Variants in CCKAR observed in about 807,000 individuals in gnomAD.
CCKAR encodes cholecystokinin receptor type A.
Under a neutral mutation model 29.8 loss-of-function variants are expected in CCKAR, and 21 were observed. The ratio of observed to expected loss-of-function variants is 0.70; its 90% confidence interval spans 0.50 to 1.01. CCKAR has a LOEUF of 1.01. Among genes scored for constraint, CCKAR ranks in the 50% least tolerant of loss-of-function variants. The pLI is 0.00. For missense variants in CCKAR, 570 were observed against 560.6 expected (o/e 1.02, Z -0.17); for synonymous variants, 238 against 221.3 (o/e 1.08, Z -0.67).
Position 26,485,710 on chromosome 4 carries a change from A to G in CCKAR, c.553T>C (p.Phe185Leu). ...GCGGTCTGGTTGTTATTTTTGGTAAAAGGCACCAAGTTGCTATAAATGGGG... is the reference window on the plus strand; with the variant it reads ...GCGGTCTGGTTGTTATTTTTGGTAAGAGGCACCAAGTTGCTATAAATGGGG... ...PYPIYSNLVPFTKNNNQTANM... is the reference protein window; with the variant it reads ...PYPIYSNLVPLTKNNNQTANM... The change falls in exon 3 of 5, where the codon TTT becomes CTT. Residue 185 changes from phenylalanine to leucine, a missense_variant. By Grantham distance (22) the Phe-to-Leu change is conservative (BLOSUM62 0). Coordinates refer to ENST00000295589, the MANE Select transcript of CCKAR (RefSeq NM_000730.3). 6.2e-7 allele frequency: 1 copy of G among 1,614,190 alleles called. No individual in the cohort carries two copies. The highest frequency in any genetic ancestry group is 8.5e-7 in the Non-Finnish European group (1 of 1,180,030).
chr4:26,489,827 C>G (rs1455399442), intron 1 of CCKAR, among the ~76,000 whole-genome samples: 2 of 152,118 alleles, frequency 1.3e-5, no homozygotes, highest in Admixed American at 1.3e-4. Context: ...GAAAAGAAAA[C>G]AGCTGCATGG....
Position 26,485,911 on chromosome 4 carries a change from C to G in CCKAR, c.365-13G>C, listed in dbSNP as rs747703170. 3 of 1,608,910 alleles carry G rather than the reference C, an allele frequency of 1.9e-6. No homozygotes were observed. Among genetic ancestry groups the G allele is most frequent in the Non-Finnish European group, 2.5e-6 (3 of 1,176,552 alleles). On this transcript the variant is annotated splice_polypyrimidine_tract_variant and intron_variant, in intron 2 of 4. Transcript: ENST00000295589. ...CTCACAGAGGTGCCTGGGAAAGGAA[C>G]AAAGAAGCCGGTTATGTTGACTCTG...
Position 26,481,946 on chromosome 4 carries a change from T to A in CCKAR, c.979A>T (p.Met327Leu). ...CAGGCGTTGGCGCTGAAGATGGGCA[T>A]CCAGCACAGGAAGAAGAGGACCACG... ...VIVVLFFLCW[M>L]PIFSANAWRA... Residue 327 changes from methionine to leucine, a missense_variant, in exon 5 of 5, where the codon ATG (methionine) becomes TTG (leucine). Transcript: ENST00000295589. 6.2e-7 allele frequency: 1 copy of A among 1,614,226 alleles called. No homozygotes were observed. Among genetic ancestry groups the A allele is most frequent in the Non-Finnish European group, 8.5e-7 (1 of 1,180,042 alleles).
At position 26,482,021 on chromosome 4, in the gene CCKAR, C is replaced by T. The variant is rs1413472220; in HGVS notation, c.904G>A (p.Ala302Thr). The change falls in exon 5 of 5, where the codon GCA (alanine) becomes ACA (threonine). Residue 302 changes from alanine (A) to threonine (T), a missense_variant. Coordinates refer to ENST00000295589, the MANE Select transcript of CCKAR (RefSeq NM_000730.3). ...RANRIRSNSS[A>T]ANLMAKKRVI... ...CTTTTCTTGGCCATCAGGTTGGCTG[C>T]GGAGCTGTTACTCCGGATGCGGTTG... 3.7e-6 allele frequency: 6 copies of T among 1,614,220 alleles called. No homozygotes were observed. The highest frequency in any genetic ancestry group is 3.3e-5 in the Admixed American group (2 of 60,028).
intron 2 of CCKAR, among the ~76,000 whole-genome samples, chr4:26,486,414 G>A (rs900372549): frequency 1.3e-5 from 2 of 152,148 alleles, no homozygotes; most frequent in African/African-American, 2.4e-5. Context: ...TCTTAATAGT[G>A]AAACAATCTA....
At position 26,481,474 on chromosome 4, in the gene CCKAR, G is replaced by A. The variant is rs1737342628; in HGVS notation, c.*164C>T. 1.3e-6 allele frequency: 1 copy of A among 749,330 alleles called. No homozygotes were observed. The highest frequency in any genetic ancestry group is 2.2e-6 in the Non-Finnish European group (1 of 455,290). 46.4% of individuals were successfully genotyped at this position (749,330 alleles called of 1,614,324 possible). On this transcript the variant is annotated 3_prime_UTR_variant, in exon 5 of 5. Transcript: ENST00000295589. ...CATGGCCCCACTGGAGCAGTGCTCT[G>A]GAATCCAGATGAAGGATGAAAAGCA...
rs1234136780 is a variant in CCKAR, at chr4:26,481,889, G to A, written c.1036C>T (p.Arg346Cys). 11 of 1,614,240 alleles carry A rather than the reference G, an allele frequency of 6.8e-6. No homozygotes were observed. Among genetic ancestry groups the A allele is most frequent in the Non-Finnish European group, 9.3e-6 (11 of 1,180,044 alleles). The change falls in exon 5 of 5, where the codon CGC becomes TGC. Residue 346 changes from arginine (R) to cysteine (C), a missense_variant. Arg to Cys is a radical substitution (Grantham distance 180). Coordinates refer to ENST00000295589, the MANE Select transcript of CCKAR (RefSeq NM_000730.3). Reference sequence around the variant, plus strand: ...AAGGAAATGGGGGTTCCTGAGAGGCGGCGCTCTGCGGAGGCGGTGTCGTAG... The same window carrying A: ...AAGGAAATGGGGGTTCCTGAGAGGCAGCGCTCTGCGGAGGCGGTGTCGTAG... Reference protein sequence around the residue: ...RAYDTASAERRLSGTPISFIL... With the variant: ...RAYDTASAERCLSGTPISFIL...
At chr4:26,487,950 G>T (rs1477490157) in intron 2 of CCKAR, among the ~76,000 whole-genome samples, 5 of 149,186 alleles carry the variant, frequency 3.4e-5, no homozygotes, top group Non-Finnish European at 3.0e-5. Flanking sequence ...ACTTGGACAT[G>T]GATTGACACA....
rs1211884553 is a variant in CCKAR at position 26,481,952 on chromosome 4, A to T, written c.973T>A (p.Cys325Ser). The T allele has an allele frequency of 1.2e-6, 2 of 1,614,268 alleles. No homozygotes were observed. Among genetic ancestry groups the T allele is most frequent in the Non-Finnish European group, 8.5e-7 (1 of 1,180,046 alleles). Reference protein sequence around the residue: ...LIVIVVLFFLCWMPIFSANAW... With the variant: ...LIVIVVLFFLSWMPIFSANAW... ...TTGGCGCTGAAGATGGGCATCCAGC[A>T]CAGGAAGAAGAGGACCACGATGACG... is the stretch of plus-strand genomic sequence containing the variant. The change falls in exon 5 of 5, where the codon TGC becomes AGC. Residue 325 changes from cysteine to serine, a missense_variant. By Grantham distance (112) the Cys-to-Ser change is moderately radical. Coordinates refer to ENST00000295589, the MANE Select transcript of CCKAR (RefSeq NM_000730.3).
Position 26,485,637 on chromosome 4 carries a change from C to A in CCKAR, c.626G>T (p.Trp209Leu), listed in dbSNP as rs1328586382. 4 of 1,613,860 alleles carry A rather than the reference C, an allele frequency of 2.5e-6. No individual in the cohort carries two copies. The highest frequency in any genetic ancestry group is 3.4e-6 in the Non-Finnish European group (4 of 1,179,834). The change falls in exon 3 of 5, where the codon TGG (tryptophan) becomes TTG (leucine). Residue 209 changes from tryptophan to leucine, a missense_variant and splice_region_variant. Physicochemically the swap from Trp to Leu is moderately conservative, Grantham distance 61. Transcript: ENST00000295589. ...LLPNDVMQQS[W>L]HTFLLLILFL... The stretch of plus-strand genomic sequence containing the variant: ...TTAAAAATAAACAATGCAACCTTAC[C>A]AGGACTGCTGCATAACATCATTTGG...
chr4:26,489,351 G>A lies in CCKAR; in HGVS notation c.246C>T (p.Ser82=). The A allele has an allele frequency of 6.2e-7, 1 of 1,614,194 alleles. No homozygotes were observed. The highest frequency in any genetic ancestry group is 8.5e-7 in the Non-Finnish European group (1 of 1,180,028). ...MRTVTNIFLL[S]LAVSDLMLCL... is the part of the protein sequence containing the mutation. ...AGAGCATGAGGTCGCTGACAGCCAGGGAGAGGAGGAAGATGTTGGTGACCG... is the reference window on the plus strand; with the variant it reads ...AGAGCATGAGGTCGCTGACAGCCAGAGAGAGGAGGAAGATGTTGGTGACCG... Residue 82 remains serine (S), a synonymous_variant, in exon 2 of 5, where the codon TCC becomes TCT. Coordinates refer to ENST00000295589, the MANE Select transcript of CCKAR (RefSeq NM_000730.3).
Position 26,483,184 on chromosome 4 carries a change from A to C in CCKAR, c.726T>G (p.Phe242Leu). 6.2e-7 allele frequency: 1 copy of C among 1,613,866 alleles called. No individual in the cohort carries two copies. Among genetic ancestry groups the C allele is most frequent in the Non-Finnish European group, 8.5e-7 (1 of 1,179,920 alleles). Residue 242 changes from phenylalanine (F) to leucine (L), a missense_variant, in exon 4 of 5, where the codon TTT becomes TTG. Transcript: ENST00000295589. Reference protein sequence around the residue: ...ISLELYQGIKFEASQKKSAKE... With the variant: ...ISLELYQGIKLEASQKKSAKE... ...TAGCAGACTTCTTCTGGCTAGCCTC[A>C]AATTTTATTCCCTGGTAGAGTTCCA...
In CCKAR at chr4:26,485,988, T is replaced by C. The variant is rs1023274613; in HGVS notation, c.365-90A>G. 3 of 1,155,528 alleles carry C rather than the reference T, an allele frequency of 2.6e-6. No homozygotes were observed. In the African/African-American group the frequency reaches 4.7e-5, roughly 18 times the overall value. 71.6% of individuals were successfully genotyped at this position (1,155,528 alleles called of 1,614,324 possible). A position where few individuals can be genotyped will look rare whatever the true frequency, so the allele number is the denominator to read the frequency against. Reference sequence around the variant, plus strand: ...CTTGAATATATCTGATCTGCACAGGTTTGATATCAAAGGAAAACGCTTGGA... The same window carrying C: ...CTTGAATATATCTGATCTGCACAGGCTTGATATCAAAGGAAAACGCTTGGA... On this transcript the variant is annotated intron_variant, in intron 2 of 4. Coordinates refer to ENST00000295589, the MANE Select transcript of CCKAR (RefSeq NM_000730.3).
At chr4:26,484,920 G>A (rs991702737) in intron 3 of CCKAR, among the ~76,000 whole-genome samples, 4 of 142,468 alleles carry the variant, frequency 2.8e-5, no homozygotes, top group African/African-American at 8.3e-5. Flanking sequence ...GGCCGGGCGC[G>A]GTGGCTCATG....
intron 3 of CCKAR, 33 bp downstream of exon 3, chr4:26,485,604 C>A (rs201967449): frequency 4.6e-5 from 74 of 1,606,292 alleles, no homozygotes; most frequent in Non-Finnish European, 6.1e-5. Flanking sequence ...TTACATCAAG[C>A]TGTATTTTTA....
Position 26,482,140 on chromosome 4 carries a change from T to C in CCKAR, c.785A>G (p.Lys262Arg), listed in dbSNP as rs1330621577. The C allele has an allele frequency of 1.4e-5, 23 of 1,611,684 alleles. No individual in the cohort carries two copies. The highest frequency in any genetic ancestry group is 2.0e-5 in the Non-Finnish European group (23 of 1,178,194). Residue 262 changes from lysine to arginine, a missense_variant, in exon 5 of 5, where the codon AAA becomes AGA. By Grantham distance (26) the Lys-to-Arg change is conservative. Coordinates refer to ENST00000295589, the MANE Select transcript of CCKAR (RefSeq NM_000730.3). Reference protein sequence around the residue: ...ERKPSTTSSGKYEDSDGCYLQ... With the variant: ...ERKPSTTSSGRYEDSDGCYLQ... ...GTAACACCCATCGCTGTCCTCATAT[T>C]TGCCGCTGCTGGTGGTGCTAGGTTT...
chr4:26,483,383 G>A, intron 3 of CCKAR, 100 bp from the exon 4 acceptor site: 1 of 1,134,924 alleles, frequency 8.8e-7, no homozygotes. Flanking sequence ...ACTGGCCTGA[G>A]CAAACACATT....
At chr4:26,489,125 T>C (rs1737502747) in intron 2 of CCKAR, 108 bp downstream of exon 2, 4 of 1,359,516 alleles carry the variant, frequency 2.9e-6, no homozygotes, top group Non-Finnish European at 3.1e-6. Context: ...GTTCTGTGAT[T>C]CAGCCCTCAG....
intron 2 of CCKAR, among the ~76,000 whole-genome samples, chr4:26,487,415 G>A (rs1036545972): frequency 1.8e-4 from 27 of 152,288 alleles, no homozygotes; most frequent in African/African-American, 6.5e-4. Context: ...GACATTTAGA[G>A]TGAAGAGTAC....
Sources: gnomAD v4.1 joint callset for allele counts (sites outside exome capture counted in the v4.1 genomes callset) on GRCh38, gnomAD v4.1.1 for gene constraint, MANE v1.5 for transcripts, NCBI Gene and HGNC (gene_info 2026-07-23, HGNC 2026-07-21) for gene names.